Variants in LYPD6 observed in about 807,000 individuals in gnomAD.
LYPD6 encodes the protein ly6/PLAUR domain-containing protein 6.
LYPD6 carries 15 observed loss-of-function variants against 22.7 expected under a neutral mutation model. The observed-to-expected ratio is 0.66, with a 90% CI of 0.44 to 1.02. LYPD6 has a LOEUF of 1.02. LYPD6 is among the 50% of genes least tolerant of loss of function. LYPD6 has a pLI of 0.00. For missense variants in LYPD6, 189 were observed against 208.4 expected (o/e 0.91, Z 0.57); for synonymous variants, 72 against 77.5 (o/e 0.93, Z 0.37).
intron 1 of LYPD6, among the ~76,000 whole-genome samples, chr2:149,331,082 G>C (rs944234968): frequency 6.6e-6 from 1 of 152,166 alleles, no homozygotes; most frequent in African/African-American, 2.4e-5. Context: ...GCGTCCACCA[G>C]GAACTCCAGC....
intron 1 of LYPD6, among the ~76,000 whole-genome samples, chr2:149,402,410 G>T (rs142653649): frequency 1.1e-3 from 169 of 152,232 alleles, no homozygotes; most frequent in African/African-American, 3.8e-3. Flanking sequence ...CCTAGCAGTG[G>T]GATTGCTGGA....
At chr2:149,404,820 A>G (rs976546171) in intron 1 of LYPD6, among the ~76,000 whole-genome samples, 35 of 152,176 alleles carry the variant, frequency 2.3e-4, no homozygotes, top group Non-Finnish European at 5.0e-4. Context: ...CCAGTTTTCA[A>G]AGGGAATGCT....
Position 149,437,671 on chromosome 2 carries a change from C to A in LYPD6, c.-38C>A. The A allele has an allele frequency of 6.2e-7, 1 of 1,611,112 alleles. No homozygotes were observed. Among genetic ancestry groups the A allele is most frequent in the South Asian group, 1.1e-5 (1 of 90,978 alleles). ...TCTCTCCTGTTGCCCTGAGTGCCCA[C>A]TCCCAGGCCCTCTGTATGAGTGACA... is the stretch of plus-strand genomic sequence containing the variant. On this transcript the variant is annotated 5_prime_UTR_variant, in exon 2 of 5. Transcript: ENST00000334166.
downstream of LYPD6, among the ~76,000 whole-genome samples, chr2:149,474,665 G>A (rs1364478585): frequency 2.0e-5 from 3 of 152,134 alleles, no homozygotes; most frequent in African/African-American, 7.2e-5. Context: ...TGATCTCCGT[G>A]GATAGTTCTG....
At chr2:149,468,603 G>C in intron 3 of LYPD6, 42 bp from the exon 4 acceptor site, 1 of 1,597,866 alleles carries the variant, frequency 6.3e-7, no homozygotes, top group Non-Finnish European at 8.5e-7. Flanking sequence ...AGGCAGGTTT[G>C]GTCAACATTT....
rs550482226 is a variant in LYPD6 at position 149,424,390 on chromosome 2, T to C, written c.-71-13248T>C. Among the ~76,000 whole-genome samples the C allele has an allele frequency of 2.8e-4, 43 of 152,338 alleles. 2 individuals are homozygous for C. In the South Asian group the frequency reaches 8.9e-3, roughly 32 times the overall value. ...ATATGTGGTATATTAATTCGTATCTTGTCCCTACGGCATAGAAGCTATCGG... is the reference window on the plus strand; with the variant it reads ...ATATGTGGTATATTAATTCGTATCTCGTCCCTACGGCATAGAAGCTATCGG... On this transcript the variant is annotated intron_variant, in intron 1 of 4. Transcript: ENST00000334166.
At chr2:149,421,214 C>G (rs1478472028) in intron 1 of LYPD6, among the ~76,000 whole-genome samples, 3 of 151,886 alleles carry the variant, frequency 2.0e-5, no homozygotes, top group Non-Finnish European at 2.9e-5. Flanking sequence ...TGGCCAACAA[C>G]CCTGTCTCTA....
At chr2:149,468,601 T>C in intron 3 of LYPD6, 44 bp from the exon 4 acceptor site, 1 of 1,597,372 alleles carries the variant, frequency 6.3e-7, no homozygotes, top group Non-Finnish European at 8.5e-7. Flanking sequence ...TTAGGCAGGT[T>C]TGGTCAACAT....
chr2:149,367,056 G>T (rs1681686884), intron 1 of LYPD6, among the ~76,000 whole-genome samples: 1 of 151,806 alleles, frequency 6.6e-6, no homozygotes, highest in African/African-American at 2.4e-5. Context: ...TTTTACAGGT[G>T]CTAGACTGTC....
intron 1 of LYPD6, among the ~76,000 whole-genome samples, chr2:149,396,659 G>A (rs917349030): frequency 2.0e-5 from 3 of 151,988 alleles, no homozygotes; most frequent in Non-Finnish European, 4.4e-5. Context: ...GAAGCATGGG[G>A]TTGATTTACT....
downstream of LYPD6, among the ~76,000 whole-genome samples, chr2:149,477,025 T>G (rs1681458835): frequency 6.6e-6 from 1 of 152,172 alleles, no homozygotes; most frequent in African/African-American, 2.4e-5. Context: ...TGAGTAGATG[T>G]CAGTGGTGGG....
chr2:149,340,021 C>A (rs962958218), intron 1 of LYPD6, among the ~76,000 whole-genome samples: 3 of 152,046 alleles, frequency 2.0e-5, no homozygotes. Flanking sequence ...ATTCGTAAAC[C>A]CAGGATTGTC....
the LYPD6 span, among the ~76,000 whole-genome samples, chr2:149,483,460 GCTCT>G: frequency 6.7e-6 from 1 of 148,634 alleles, no homozygotes; most frequent in South Asian, 2.1e-4. Context: ...CTCTCCTTCC[GCTCT>G]CTTTCTCTTG....
At chr2:149,358,195 G>GGCAAA (rs1681482674) in intron 1 of LYPD6, among the ~76,000 whole-genome samples, 5 of 152,140 alleles carry the variant, frequency 3.3e-5, no homozygotes, top group Non-Finnish European at 7.4e-5. Flanking sequence ...GGATTTTGAA[G>GGCAAA]ATATCCTTGC....
intron 1 of LYPD6, among the ~76,000 whole-genome samples, chr2:149,373,557 C>T (rs1209925412): frequency 2.6e-5 from 4 of 152,002 alleles, no homozygotes; most frequent in East Asian, 1.9e-4. Flanking sequence ...GAGCTGTCCT[C>T]GTGTCCAAGG....
intron 1 of LYPD6, among the ~76,000 whole-genome samples, chr2:149,408,007 C>G (rs911674366): frequency 6.6e-6 from 1 of 152,198 alleles, no homozygotes; most frequent in African/African-American, 2.4e-5. Context: ...ACTCCAGACC[C>G]TGTTTGCCTG....
intron 1 of LYPD6, among the ~76,000 whole-genome samples, chr2:149,347,597 TTG>T (rs1681281119): frequency 6.6e-6 from 1 of 152,210 alleles, no homozygotes; most frequent in South Asian, 2.1e-4. Flanking sequence ...GAAATTTTAT[TTG>T]CTGTAATTTT....
intron 3 of LYPD6, 45 bp downstream of exon 3, chr2:149,449,192 AG>A: frequency 7.7e-7 from 1 of 1,305,150 alleles, no homozygotes; most frequent in Non-Finnish European, 1.1e-6. Flanking sequence ...GCTGTCCGTG[AG>A]TGAACAGCCC....
chr2:149,413,566 C>T (rs1175054488), intron 1 of LYPD6, among the ~76,000 whole-genome samples: 1 of 152,192 alleles, frequency 6.6e-6, no homozygotes, highest in African/African-American at 2.4e-5. Flanking sequence ...TTGCACTTTC[C>T]ACTTATTCTT....
Sources: gnomAD v4.1 joint callset for allele counts (sites outside exome capture counted in the v4.1 genomes callset) on GRCh38, gnomAD v4.1.1 for gene constraint, MANE v1.5 for transcripts, NCBI Gene and HGNC (gene_info 2026-07-23, HGNC 2026-07-21) for gene names.